Variants in CCDC192 observed in about 807,000 individuals in gnomAD.
CCDC192 encodes the protein coiled-coil domain-containing protein 192.
intron 5 of CCDC192, among the ~76,000 whole-genome samples, chr5:127,873,298 A>T (rs1751935819): frequency 1.3e-5 from 2 of 152,210 alleles, no homozygotes; most frequent in South Asian, 4.1e-4. Context: ...TTTATTAAGA[A>T]TTAAGGGAGG....
At chr5:127,826,659 G>C (rs377335435) in intron 5 of CCDC192, among the ~76,000 whole-genome samples, 7 of 146,884 alleles carry the variant, frequency 4.8e-5, no homozygotes, top group Non-Finnish European at 7.5e-5. Flanking sequence ...AGGGAGGGAG[G>C]GGGGCAAGGG....
intron 5 of CCDC192, among the ~76,000 whole-genome samples, chr5:127,829,638 A>C (rs535553901): frequency 3.3e-5 from 5 of 152,330 alleles, no homozygotes; most frequent in African/African-American, 1.2e-4. Flanking sequence ...ATATTTGCAA[A>C]GAAAATTAGA....
At chr5:127,837,892 G>A (rs1353540281) in intron 5 of CCDC192, among the ~76,000 whole-genome samples, 1 of 152,274 alleles carries the variant, frequency 6.6e-6, no homozygotes, top group East Asian at 1.9e-4. Flanking sequence ...GGAGGCTGAG[G>A]CAAGGGAATT....
In CCDC192 at chr5:127,858,593, C is replaced by T. The variant is rs116584379; in HGVS notation, c.412-16945C>T. 4.4e-3 allele frequency among the ~76,000 whole-genome samples: 669 copies of T among 152,240 alleles called. 3 individuals carry two copies. Among genetic ancestry groups the T allele is most frequent in the African/African-American group, 0.015 (632 of 41,542 alleles). On this transcript the variant is annotated intron_variant, in intron 5 of 6. Coordinates refer to ENST00000514853, the MANE Select transcript of CCDC192 (RefSeq NM_001317938.2). The stretch of plus-strand genomic sequence containing the variant: ...AACTAGACTCTAAATACCATAAAGC[C>T]AGAGACTATGATTGTCTTGCTTATC...
intron 6 of CCDC192, among the ~76,000 whole-genome samples, chr5:127,910,189 T>A (rs982830308): frequency 6.6e-6 from 1 of 152,220 alleles, no homozygotes; most frequent in African/African-American, 2.4e-5. Flanking sequence ...TTATTTATTA[T>A]CTGAAAATAA....
At position 127,880,213 on chromosome 5, in the gene CCDC192, C is replaced by T. The variant is rs1752289934; in HGVS notation, c.535+4552C>T. Among the ~76,000 whole-genome samples, 2 of 151,304 alleles carry T rather than the reference C, an allele frequency of 1.3e-5. 1 individual carries two copies. Among genetic ancestry groups the T allele is most frequent in the Middle Eastern group, 6.8e-3 (2 of 294 alleles). ...ACTTGGAACCAACCCAAATGTTCAA[C>T]AATGATAGACTGGATTAAGAAAATG... is the stretch of plus-strand genomic sequence containing the variant. On this transcript the variant is annotated intron_variant, in intron 6 of 6. Transcript: ENST00000514853.
At chr5:127,743,816 C>T (rs575773454) in intron 2 of CCDC192, among the ~76,000 whole-genome samples, 26 of 152,180 alleles carry the variant, frequency 1.7e-4, no homozygotes, top group African/African-American at 5.5e-4. Flanking sequence ...CAGGGCCAGG[C>T]GCGGTGGCTC....
Position 127,719,652 on chromosome 5 carries a change from C to T in CCDC192, c.114+11892C>T, listed in dbSNP as rs554790822. 1.7e-3 allele frequency among the ~76,000 whole-genome samples: 254 copies of T among 150,522 alleles called. 1 individual carries two copies. Among genetic ancestry groups the T allele is most frequent in the African/African-American group, 5.8e-3 (237 of 40,694 alleles). ...GAAAACTCCTGTATTAGTCCATTCT[C>T]ACATTGCTCTAAAGAACTACCTGAG... On this transcript the variant is annotated intron_variant, in intron 2 of 6. Coordinates refer to ENST00000514853, the MANE Select transcript of CCDC192 (RefSeq NM_001317938.2).
intron 5 of CCDC192, among the ~76,000 whole-genome samples, chr5:127,858,636 G>A (rs1393964906): frequency 6.6e-6 from 1 of 152,186 alleles, no homozygotes; most frequent in Non-Finnish European, 1.5e-5. Flanking sequence ...TCCCTGGGTT[G>A]CTAAGTTTGT....
intron 5 of CCDC192, among the ~76,000 whole-genome samples, chr5:127,804,557 A>G (rs1435472664): frequency 6.6e-6 from 1 of 152,134 alleles, no homozygotes; most frequent in Non-Finnish European, 1.5e-5. Flanking sequence ...TTTCCTACTG[A>G]TTTTAGGAGG....
At chr5:127,738,658 C>T (rs1244459719) in intron 2 of CCDC192, among the ~76,000 whole-genome samples, 1 of 151,604 alleles carries the variant, frequency 6.6e-6, no homozygotes. Flanking sequence ...CTAAACTTCC[C>T]TTCTCGCTTC....
chr5:127,826,165 G>T (rs1205772938), intron 5 of CCDC192, among the ~76,000 whole-genome samples: 1 of 152,042 alleles, frequency 6.6e-6, no homozygotes, highest in African/African-American at 2.4e-5. Flanking sequence ...CAGAGAGATG[G>T]ATTAGAACCA....
intron 5 of CCDC192, among the ~76,000 whole-genome samples, chr5:127,820,678 C>T (rs889290490): frequency 9.9e-5 from 15 of 152,188 alleles, no homozygotes; most frequent in African/African-American, 3.4e-4. Context: ...ACTTTCTACA[C>T]TCTATAACAT....
chr5:127,850,244 A>G lies in CCDC192; in HGVS notation c.412-25294A>G, dbSNP rs377418561. On this transcript the variant is annotated intron_variant, in intron 5 of 6. Coordinates refer to ENST00000514853, the MANE Select transcript of CCDC192 (RefSeq NM_001317938.2). ...CCCAGCTCAGGGGCAAGTGGGGACT[A>G]AAATTCAGCTACATTCTGCTGGTCT... is the stretch of plus-strand genomic sequence containing the variant. Among the ~76,000 whole-genome samples, 8 of 152,326 alleles carry G rather than the reference A, an allele frequency of 5.3e-5. No individual in the cohort carries two copies. The East Asian group carries it at 9.7e-4, about 18-fold the overall frequency.
chr5:127,934,740 A>G (rs997733176), intron 6 of CCDC192, among the ~76,000 whole-genome samples: 2 of 152,204 alleles, frequency 1.3e-5, no homozygotes, highest in African/African-American at 4.8e-5. Flanking sequence ...AAACCTAAAA[A>G]GTTTTGTTTA....
chr5:127,874,542 G>T (rs1751988239), intron 5 of CCDC192, among the ~76,000 whole-genome samples: 1 of 152,134 alleles, frequency 6.6e-6, no homozygotes, highest in African/African-American at 2.4e-5. Context: ...GAGGAGAGTG[G>T]TTCCCTACTG....
intron 1 of CCDC192, among the ~76,000 whole-genome samples, chr5:127,704,691 C>T (rs1340963135): frequency 6.6e-6 from 1 of 152,056 alleles, no homozygotes; most frequent in Non-Finnish European, 1.5e-5. Context: ...AAGGCTTTAT[C>T]CATTTATTAA....
chr5:127,737,120 G>T (rs915964593), intron 2 of CCDC192, among the ~76,000 whole-genome samples: 1 of 151,548 alleles, frequency 6.6e-6, no homozygotes, highest in African/African-American at 2.4e-5. Flanking sequence ...AGAGATTCTG[G>T]TATGTTGTGT....
chr5:127,829,653 T>C (rs1445296077), intron 5 of CCDC192, among the ~76,000 whole-genome samples: 1 of 152,224 alleles, frequency 6.6e-6, no homozygotes, highest in Non-Finnish European at 1.5e-5. Context: ...ATTAGATGCA[T>C]GAAGAAGTAC....
Sources: gnomAD v4.1 joint callset for allele counts (sites outside exome capture counted in the v4.1 genomes callset) on GRCh38, gnomAD v4.1.1 for gene constraint, MANE v1.5 for transcripts, NCBI Gene and HGNC (gene_info 2026-07-23, HGNC 2026-07-21) for gene names.